Variants in SIPA1L2 observed in about 807,000 individuals in gnomAD.
The protein encoded by SIPA1L2 is signal induced proliferation associated 1 like 2.
SIPA1L2 carries 56 observed loss-of-function variants against 163.9 expected under a neutral mutation model. The observed-to-expected ratio is 0.34, with a 90% CI of 0.28 to 0.43. The LOEUF (loss-of-function observed/expected upper bound fraction) is 0.43. Among genes scored for constraint, SIPA1L2 ranks in the 20% least tolerant of loss-of-function variants. SIPA1L2 has a pLI of 1.00. For synonymous variants in SIPA1L2, 877 were observed against 865.7 expected (o/e 1.01, Z -0.23); for missense variants, 1,974 against 2,193.5 (o/e 0.90, Z 2.00).
chr1:232,465,090 C>G lies in SIPA1L2; in HGVS notation c.2570G>C (p.Trp857Ser). The G allele has an allele frequency of 6.2e-7, 1 of 1,614,136 alleles. No individual in the cohort carries two copies. The highest frequency in any genetic ancestry group is 8.5e-7 in the Non-Finnish European group (1 of 1,180,024). Residue 857 changes from tryptophan to serine, a missense_variant, in exon 9 of 23, where the codon TGG (tryptophan) becomes TCG (serine). By Grantham distance (177) the Trp-to-Ser change is radical. Coordinates refer to ENST00000674635, the MANE Select transcript of SIPA1L2 (RefSeq NM_020808.5). This position sits in a 1 kb window ranked among gnomAD's most constrained non-coding sequence, Gnocchi z 4.1. ...AHLFSIGAIM[W>S]HVIARDFGQS... ...GCCGAAGTCCCGGGCTATCACGTGC[C>G]ACATGATGGCCCCAATGCTAAACAA...
chr1:232,569,524 C>T lies in SIPA1L2; in HGVS notation c.-270+4650G>A, dbSNP rs372196798. On this transcript the variant is annotated intron_variant, in intron 2 of 22. Transcript: ENST00000674635. The stretch of plus-strand genomic sequence containing the variant: ...CTCAGTCTGAGAACATTTTAAAAAT[C>T]GATGAAGGCCAGGCATGGTGGCTCA... 1.1e-4 allele frequency among the ~76,000 whole-genome samples: 16 copies of T among 152,258 alleles called. No individual in the cohort carries two copies. The South Asian group carries it at 3.1e-3, about 30-fold the overall frequency.
intron 2 of SIPA1L2, among the ~76,000 whole-genome samples, chr1:232,523,897 T>C (rs1667566088): frequency 6.6e-6 from 1 of 152,206 alleles, no homozygotes; most frequent in African/African-American, 2.4e-5. Context: ...GATGCTTCCT[T>C]TCAACTTGGC....
At chr1:232,523,857 A>G (rs940549919) in intron 2 of SIPA1L2, among the ~76,000 whole-genome samples, 1 of 152,224 alleles carries the variant, frequency 6.6e-6, no homozygotes, top group Non-Finnish European at 1.5e-5. Context: ...TTAAAATGCA[A>G]CAAATAAACA....
At chr1:232,573,509 AC>A (rs1217402999) in intron 2 of SIPA1L2, among the ~76,000 whole-genome samples, 5 of 152,166 alleles carry the variant, frequency 3.3e-5, no homozygotes, top group Non-Finnish European at 7.3e-5. Flanking sequence ...TCCATTTTTG[AC>A]AATCCAAAGC....
Position 232,464,970 on chromosome 1 carries a change from C to G in SIPA1L2, c.2690G>C (p.Cys897Ser). ...AGATGTCCACCCAATCACATCCCTG[C>G]AGGAACAGTTGAATACAACATTCTT... ...DSKNVVFNCS[C>S]RDVIGWTSGL... The change falls in exon 9 of 23, where the codon TGC becomes TCC. Residue 897 changes from cysteine to serine, a missense_variant. Transcript: ENST00000674635. 1.2e-6 allele frequency: 2 copies of G among 1,614,202 alleles called. No individual in the cohort carries two copies. Among genetic ancestry groups the G allele is most frequent in the Non-Finnish European group, 1.7e-6 (2 of 1,180,038 alleles).
intron 1 of SIPA1L2, among the ~76,000 whole-genome samples, chr1:232,629,318 G>T (rs1369223209): frequency 6.6e-6 from 1 of 152,232 alleles, no homozygotes; most frequent in Non-Finnish European, 1.5e-5. Context: ...AGAGGCCCAG[G>T]AGCTGGCAAA....
At chr1:232,461,276 C>A in intron 9 of SIPA1L2, 115 bp from the exon 10 acceptor site, 2 of 1,316,000 alleles carry the variant, frequency 1.5e-6, no homozygotes, top group African/African-American at 1.5e-5. Context: ...CCCTCGCAGC[C>A]CAGCCTGTCT....
chr1:232,398,138 T>C lies in SIPA1L2; in HGVS notation c.*989A>G, dbSNP rs1421310752. 1 of 152,696 alleles carries C rather than the reference T, an allele frequency of 6.5e-6. No individual in the cohort carries two copies. The highest frequency in any genetic ancestry group is 1.5e-5 in the Non-Finnish European group (1 of 68,054). The allele number at this position is 152,696 out of a possible 1,614,324, so 9.5% of individuals were successfully genotyped here. ...TGATCTGTGCAAGCTCAGTCTCTTC[T>C]GAGCCTGCAGCTACCTCCATCCCTC... On this transcript the variant is annotated 3_prime_UTR_variant, in exon 23 of 23. Coordinates refer to ENST00000674635, the MANE Select transcript of SIPA1L2 (RefSeq NM_020808.5).
chr1:232,599,000 T>A (rs1024002722), intron 1 of SIPA1L2, among the ~76,000 whole-genome samples: 5 of 28,936 alleles, frequency 1.7e-4, no homozygotes, highest in Non-Finnish European at 6.1e-4. Context: ...AATCCTGCGA[T>A]TTTTTAGCCA....
chr1:232,471,468 C>A lies in SIPA1L2; in HGVS notation c.2146G>T (p.Ala716Ser). The A allele has an allele frequency of 6.2e-7, 1 of 1,613,978 alleles. No individual in the cohort carries two copies. The highest frequency in any genetic ancestry group is 8.5e-7 in the Non-Finnish European group (1 of 1,179,928). ...ATGCTTTTTGGAGTAAAAGGAAGTG[C>A]CCCAGGCTCCTGGAAGACGATGGTG... is the stretch of plus-strand genomic sequence containing the variant. ...IVTIVFQEPG[A>S]LPFTPKSIRS... Residue 716 changes from alanine (A) to serine (S), a missense_variant, in exon 8 of 23, where the codon GCA becomes TCA. Ala to Ser is a moderately conservative substitution (Grantham distance 99). Transcript: ENST00000674635.
intron 2 of SIPA1L2, among the ~76,000 whole-genome samples, chr1:232,543,797 G>GT (rs1161562138): frequency 1.3e-5 from 2 of 152,150 alleles, no homozygotes; most frequent in African/African-American, 4.8e-5. Flanking sequence ...GAGCCCAGGA[G>GT]TTTGAGGCTA....
chr1:232,479,924 G>A (rs541873754), intron 6 of SIPA1L2, among the ~76,000 whole-genome samples, 194 bp from the exon 7 acceptor site: 1 of 152,256 alleles, frequency 6.6e-6, no homozygotes, highest in African/African-American at 2.4e-5. Flanking sequence ...TGGACTGAGA[G>A]GCTCCTTTCC....
intron 1 of SIPA1L2, among the ~76,000 whole-genome samples, chr1:232,598,962 T>G (rs1473148499): frequency 1.3e-5 from 1 of 77,356 alleles, no homozygotes; most frequent in Non-Finnish European, 2.6e-5. Flanking sequence ...CCTCTACCCC[T>G]CAAAAAAAAA....
intron 10 of SIPA1L2, among the ~76,000 whole-genome samples, chr1:232,458,784 C>T (rs1290781798): frequency 6.6e-6 from 1 of 152,128 alleles, no homozygotes; most frequent in Non-Finnish European, 1.5e-5. Flanking sequence ...TTTACATATA[C>T]AGTACTTTAG....
chr1:232,461,043 G>A lies in SIPA1L2; in HGVS notation c.2939C>T (p.Ala980Val). ...IVADVEPFGF[A>V]WKAGLRQGSR... is the part of the protein sequence containing the mutation. ...CCCTTGGCGAAGGCCAGCCTTCCAG[G>A]CAAAGCCAAAAGGTTCCACATCTGC... The change falls in exon 10 of 23, where the codon GCC (alanine) becomes GTC (valine). Residue 980 changes from alanine to valine, a missense_variant. This residue lies in a region of SIPA1L2 where 1,079 missense variants were observed against 1,150.7 expected (regional missense o/e 0.94). Coordinates refer to ENST00000674635, the MANE Select transcript of SIPA1L2 (RefSeq NM_020808.5). The A allele has an allele frequency of 6.2e-7, 1 of 1,614,280 alleles. No homozygotes were observed. The highest frequency in any genetic ancestry group is 8.5e-7 in the Non-Finnish European group (1 of 1,180,048).
chr1:232,454,012 G>A (rs1421976987), intron 10 of SIPA1L2, among the ~76,000 whole-genome samples: 1 of 151,968 alleles, frequency 6.6e-6, no homozygotes, highest in Non-Finnish European at 1.5e-5. Context: ...ATCCAACAAG[G>A]TGACAGGGGT....
chr1:232,434,325 C>T (rs1159350632), intron 15 of SIPA1L2, among the ~76,000 whole-genome samples: 3 of 152,166 alleles, frequency 2.0e-5, no homozygotes, highest in Non-Finnish European at 2.9e-5. Context: ...AGGGTCTCTG[C>T]GTTTTGGAAA....
At chr1:232,432,590 C>T in intron 15 of SIPA1L2, 119 bp from the exon 16 acceptor site, 1 of 860,122 alleles carries the variant, frequency 1.2e-6, no homozygotes, top group South Asian at 1.7e-5. Flanking sequence ...AAATCGGGCC[C>T]AGTGAGGCAG....
Position 232,399,101 on chromosome 1 carries a change from T to G in SIPA1L2, c.*26A>C. On this transcript the variant is annotated 3_prime_UTR_variant, in exon 23 of 23. Transcript: ENST00000674635. ...CAAAGGGACAAGGGGCATTTCCCAG[T>G]GGTCCCTTGATGAGGTGCGGATTGG... The G allele has an allele frequency of 6.2e-7, 1 of 1,613,862 alleles. No homozygotes were observed. Among genetic ancestry groups the G allele is most frequent in the Non-Finnish European group, 8.5e-7 (1 of 1,179,840 alleles).
Sources: allele counts gnomAD v4.1 joint callset (sites outside exome capture counted in the v4.1 genomes callset), GRCh38; gene constraint gnomAD v4.1.1; regional missense constraint gnomAD v4.1.1; non-coding constraint Gnocchi (gnomAD v3.1); transcripts MANE v1.5; gene names NCBI Gene and HGNC (gene_info 2026-07-23, HGNC 2026-07-21).